MAP4K4: variants seen among roughly 807,000 people sequenced by gnomAD.
The protein encoded by MAP4K4 is mitogen-activated protein kinase kinase kinase kinase 4, also known as HPK/GCK-like kinase HGK.
MAP4K4 carries 38 observed loss-of-function variants against 189.6 expected under a neutral mutation model. That is an observed-to-expected ratio of 0.20 (90% confidence interval 0.15 to 0.26). The LOEUF is 0.26. MAP4K4 is among the 10% of genes least tolerant of loss of function. The pLI is 1.00. For synonymous variants in MAP4K4, 610 were observed against 624.3 expected (o/e 0.98, Z 0.34); for missense variants, 1,054 against 1,726.9 (o/e 0.61, Z 6.91).
At chr2:101,754,930 G>A (rs992138327) in intron 2 of MAP4K4, among the ~76,000 whole-genome samples, 5 of 152,200 alleles carry the variant, frequency 3.3e-5, no homozygotes, top group African/African-American at 1.2e-4. Flanking sequence ...CAAAAACCCA[G>A]TGAGTTGTAT....
intron 3 of MAP4K4, among the ~76,000 whole-genome samples, chr2:101,823,696 G>A (rs1388358981): frequency 1.3e-5 from 2 of 152,078 alleles, no homozygotes; most frequent in African/African-American, 2.4e-5. Flanking sequence ...CTATCCCTGC[G>A]GCTCTCCGTG....
chr2:101,825,135 T>C (rs1415080306), intron 4 of MAP4K4, among the ~76,000 whole-genome samples, 184 bp from the exon 5 acceptor site: 1 of 152,192 alleles, frequency 6.6e-6, no homozygotes, highest in Non-Finnish European at 1.5e-5. Flanking sequence ...GGACCAAATA[T>C]ATGGAGCGAA....
intron 3 of MAP4K4, chr2:101,797,365 A>T (rs1465023522): frequency 7.7e-7 from 1 of 1,290,778 alleles, no homozygotes; most frequent in Non-Finnish European, 1.0e-6. Flanking sequence ...TTACCACAGG[A>T]TCATTCAACG....
At chr2:101,755,987 C>T (rs531862605) in intron 2 of MAP4K4, among the ~76,000 whole-genome samples, 34 of 122,560 alleles carry the variant, frequency 2.8e-4, no homozygotes, top group Middle Eastern at 7.8e-3. Flanking sequence ...GTCGCCCAGG[C>T]TGGAGTGCAG....
intron 20 of MAP4K4, chr2:101,867,701 G>C (rs891543636): frequency 5.2e-6 from 2 of 385,614 alleles, no homozygotes; most frequent in East Asian, 4.2e-5. Flanking sequence ...CTTATTCTTC[G>C]TGAGTTCAGC....
At chr2:101,892,262 G>A (rs1007702179) in exon 33 of MAP4K4, 1 of 152,522 alleles carries the variant, frequency 6.6e-6, no homozygotes, top group African/African-American at 2.4e-5. Context: ...TATGTTTTTG[G>A]AAGAAACCAT....
chr2:101,819,856 T>C (rs2095935048), intron 3 of MAP4K4, among the ~76,000 whole-genome samples: 1 of 152,246 alleles, frequency 6.6e-6, no homozygotes, highest in African/African-American at 2.4e-5. Context: ...TCGACAGTGC[T>C]TCATGGTTTC....
At chr2:101,714,459 G>A (rs2047352279) in intron 2 of MAP4K4, among the ~76,000 whole-genome samples, 2 of 151,940 alleles carry the variant, frequency 1.3e-5, no homozygotes, top group Admixed American at 1.3e-4. Flanking sequence ...TGACAAAAAC[G>A]GCTAGAAGAC....
At chr2:101,770,692 G>GT (rs1035586128) in intron 2 of MAP4K4, among the ~76,000 whole-genome samples, 7 of 152,324 alleles carry the variant, frequency 4.6e-5, no homozygotes, top group African/African-American at 1.4e-4. Flanking sequence ...TAAATAGAGA[G>GT]TAGGTCTTCA....
chr2:101,835,166 T>A (rs1216348494), intron 8 of MAP4K4, among the ~76,000 whole-genome samples: 1 of 152,232 alleles, frequency 6.6e-6, no homozygotes, highest in African/African-American at 2.4e-5. Context: ...ACACCATACA[T>A]TCCCCTGTGC....
intron 2 of MAP4K4, among the ~76,000 whole-genome samples, chr2:101,770,288 G>A (rs1434216609): frequency 1.7e-5 from 2 of 117,026 alleles, no homozygotes; most frequent in South Asian, 2.7e-4. Flanking sequence ...CGCTCTTGTC[G>A]CCCGGGCTGG....
chr2:101,857,241 T>G (rs975755364), intron 13 of MAP4K4, among the ~76,000 whole-genome samples: 1 of 152,112 alleles, frequency 6.6e-6, no homozygotes. Flanking sequence ...GGCACCACTT[T>G]TAAAAAAAAA....
At position 101,718,701 on chromosome 2, in the gene MAP4K4, C is replaced by G. The variant is rs2049993415; in HGVS notation, c.123+20163C>G. 2.0e-5 allele frequency among the ~76,000 whole-genome samples: 3 copies of G among 152,118 alleles called. No homozygotes were observed. In the East Asian group the frequency reaches 5.8e-4, roughly 29 times the overall value. ...AGAAGTTGCCAGTCCTGAAGCTTTC[C>G]TTTTTCTCTACTTTCCTGTGTCTTC... On this transcript the variant is annotated intron_variant, in intron 2 of 32. Coordinates refer to ENST00000324219, the Ensembl canonical transcript of MAP4K4.
At chr2:101,796,841 C>T (rs1231785361) in intron 3 of MAP4K4, among the ~76,000 whole-genome samples, 4 of 152,118 alleles carry the variant, frequency 2.6e-5, no homozygotes, top group African/African-American at 7.2e-5. Context: ...CGCCATGTTC[C>T]ATGGATATGT....
exon 31 of MAP4K4, chr2:101,887,778 A>G (rs1317901896): frequency 1.2e-6 from 2 of 1,606,174 alleles, no homozygotes; most frequent in Non-Finnish European, 1.7e-6. Flanking sequence ...TGTTCTCTAG[A>G]TCCAGTGTAG....
intron 27 of MAP4K4, among the ~76,000 whole-genome samples, chr2:101,880,088 A>G (rs2098339455): frequency 6.6e-6 from 1 of 152,034 alleles, no homozygotes; most frequent in Non-Finnish European, 1.5e-5. Context: ...TTTTGGATCT[A>G]AGTTTCTGAT....
chr2:101,793,069 A>T (rs183934986), intron 3 of MAP4K4, among the ~76,000 whole-genome samples: 80 of 152,316 alleles, frequency 5.3e-4, no homozygotes, highest in Admixed American at 5.0e-3. Flanking sequence ...TGAGTTGTGT[A>T]CAAAAGGTAT....
chr2:101,811,625 C>T (rs1025394752), intron 3 of MAP4K4, among the ~76,000 whole-genome samples: 3 of 152,188 alleles, frequency 2.0e-5, no homozygotes, highest in Admixed American at 6.5e-5. Context: ...GTCTCTTTGA[C>T]GAGCCATCTC....
At position 101,789,960 on chromosome 2, in the gene MAP4K4, C is replaced by A. The variant is rs894212299; in HGVS notation, c.124-760C>A. On this transcript the variant is annotated intron_variant, in intron 2 of 32. Transcript: ENST00000324219. ...GGCATTATAATACAACTGTAAGAAACCTGTCTCCCTCATCCCCCCGACTTC... is the reference window on the plus strand; with the variant it reads ...GGCATTATAATACAACTGTAAGAAAACTGTCTCCCTCATCCCCCCGACTTC... 3.3e-5 allele frequency among the ~76,000 whole-genome samples: 5 copies of A among 152,140 alleles called. No homozygotes were observed. In the East Asian group the frequency reaches 9.7e-4, roughly 29 times the overall value.
Sources: allele counts gnomAD v4.1 joint callset (sites outside exome capture counted in the v4.1 genomes callset), GRCh38; gene constraint gnomAD v4.1.1; transcripts MANE v1.5; gene names NCBI Gene and HGNC (gene_info 2026-07-23, HGNC 2026-07-21).